AKAP7: variants seen among roughly 807,000 people sequenced by gnomAD.
AKAP7 encodes the protein A kinase (PRKA) anchor protein 7.
In AKAP7, 39 loss-of-function variants were observed where a neutral mutation model predicts 39.5. That is an observed-to-expected ratio of 0.99 (90% CI 0.76 to 1.29). The LOEUF is 1.29. AKAP7 is among the 50% of genes most tolerant of loss of function. AKAP7 has a pLI of 0.00. For missense variants in AKAP7, 414 were observed against 407.7 expected (o/e 1.02, Z -0.13); for synonymous variants, 140 against 139.1 (o/e 1.01, Z -0.05).
intron 7 of AKAP7, chr6:131,250,448 C>T (rs987681649): frequency 1.3e-6 from 2 of 1,537,498 alleles, no homozygotes; most frequent in Admixed American, 1.8e-5. Context: ...TTCAAGCTGC[C>T]TGTGCTGCTC....
intron 2 of AKAP7, among the ~76,000 whole-genome samples, chr6:131,156,444 C>T (rs536211103): frequency 6.6e-6 from 1 of 151,988 alleles, no homozygotes; most frequent in South Asian, 2.1e-4. Context: ...TCAAGACCAG[C>T]CTGGGCAACA....
At chr6:131,217,630 A>C (rs905798252) in intron 6 of AKAP7, among the ~76,000 whole-genome samples, 4 of 152,208 alleles carry the variant, frequency 2.6e-5, no homozygotes, top group African/African-American at 9.6e-5. Flanking sequence ...TTAACTCCTA[A>C]AGACTCATGT....
chr6:131,145,397 T>G lies in AKAP7; in HGVS notation c.132T>G (p.Asp44Glu), dbSNP rs200567098. 4.8e-5 allele frequency: 74 copies of G among 1,540,406 alleles called. No homozygotes were observed. The Admixed American group carries it at 1.3e-3, about 27-fold the overall frequency. Residue 44 changes from aspartate to glutamate, a missense_variant, in exon 2 of 8, where the codon GAT becomes GAG. Physicochemically the swap from Asp to Glu is conservative, Grantham distance 45. Transcript: ENST00000431975. ...SLVDMPFATVDIQDDCGITDE... is the reference protein window; with the variant it reads ...SLVDMPFATVEIQDDCGITDE... Reference sequence around the variant, plus strand: ...TAGACATGCCATTTGCTACTGTAGATATTCAGGATGACTGTGGAAGTAAGT... The same window carrying G: ...TAGACATGCCATTTGCTACTGTAGAGATTCAGGATGACTGTGGAAGTAAGT...
chr6:131,139,263 C>G (rs542975173), intron 1 of AKAP7, among the ~76,000 whole-genome samples: 3 of 152,252 alleles, frequency 2.0e-5, no homozygotes, highest in African/African-American at 7.2e-5. Flanking sequence ...GAAAGTGGCA[C>G]TCCTTTTTTT....
At chr6:131,141,662 A>G (rs1801040596) in intron 1 of AKAP7, among the ~76,000 whole-genome samples, 1 of 152,184 alleles carries the variant, frequency 6.6e-6, no homozygotes, top group Non-Finnish European at 1.5e-5. Context: ...GGAACTTCTT[A>G]AAGACTGGTT....
chr6:131,241,615 G>GTGTGTGTGTATACGTATATA (rs1811585371), intron 7 of AKAP7, among the ~76,000 whole-genome samples: 2 of 101,336 alleles, frequency 2.0e-5, no homozygotes, highest in African/African-American at 7.1e-5. Flanking sequence ...GTGTGTGTGT[G>GTGTGTGTGTATACGTATATA]TGTGTGTGTG....
chr6:131,251,565 T>TG (rs1812451550), intron 7 of AKAP7, among the ~76,000 whole-genome samples: 1 of 117,874 alleles, frequency 8.5e-6, no homozygotes, highest in Non-Finnish European at 1.9e-5. Flanking sequence ...AGCCAGGGAC[T>TG]GTTAAAAAAA....
chr6:131,241,627 G>GTGTGTATATACGTATA, intron 7 of AKAP7, among the ~76,000 whole-genome samples: 1 of 86,634 alleles, frequency 1.2e-5, no homozygotes, highest in Non-Finnish European at 2.3e-5. Context: ...GTGTGTGTGT[G>GTGTGTATATACGTATA]TATATATATA....
In AKAP7 at chr6:131,281,549, G is replaced by T. The variant is rs887274338; in HGVS notation, c.870G>T (p.Glu290Asp). ...SIVIGEKNGG[E>D]PDDAELVRLS... is the part of the protein sequence containing the mutation. ...ATGTAGGTGAAAAGAACGGAGGGGA[G>T]CCCGATGACGCTGAACTAGTAAGGC... Residue 290 changes from glutamate to aspartate, a missense_variant, in exon 8 of 8, where the codon GAG becomes GAT. Physicochemically the swap from Glu to Asp is conservative, Grantham distance 45. Coordinates refer to ENST00000431975, the MANE Select transcript of AKAP7 (RefSeq NM_016377.4). This position sits in a 1 kb window ranked among gnomAD's most constrained non-coding sequence, Gnocchi z 4.0. 1.2e-6 allele frequency: 2 copies of T among 1,609,298 alleles called. No individual in the cohort carries two copies. Among genetic ancestry groups the T allele is most frequent in the Non-Finnish European group, 1.7e-6 (2 of 1,177,686 alleles).
chr6:131,133,312 C>G (rs935689953), upstream of AKAP7, among the ~76,000 whole-genome samples: 1 of 152,122 alleles, frequency 6.6e-6, no homozygotes, highest in Non-Finnish European at 1.5e-5. Context: ...CAGGTGTTAT[C>G]CTTTTATGAT....
intron 6 of AKAP7, among the ~76,000 whole-genome samples, chr6:131,204,012 A>G (rs1454961680): frequency 6.6e-6 from 1 of 152,100 alleles, no homozygotes; most frequent in Non-Finnish European, 1.5e-5. Context: ...GACAATTTAT[A>G]CTCCCAACCG....
At chr6:131,130,098 A>C in the AKAP7 span, among the ~76,000 whole-genome samples, 1 of 152,216 alleles carries the variant, frequency 6.6e-6, no homozygotes, top group East Asian at 1.9e-4. Flanking sequence ...TTTCAGGAAC[A>C]GTGTGGCAAT....
At chr6:131,250,405 C>T in intron 7 of AKAP7, 2 of 1,452,656 alleles carry the variant, frequency 1.4e-6, no homozygotes, top group Non-Finnish European at 9.1e-7. Flanking sequence ...TTCCCTTCTC[C>T]TTTCTCTCCC....
chr6:131,199,494 T>TC lies in AKAP7; in HGVS notation c.625dup (p.Leu209ProfsTer9). The TC allele has an allele frequency of 6.2e-7, 1 of 1,609,186 alleles. No individual in the cohort carries two copies. ...AATAGGACATTTCAAGAAAAAGGCA[T>TC]CCTGGTAGGAGAGAGCAGAAGTTTT... On this transcript the variant is annotated frameshift_variant, in exon 6 of 8. Coordinates refer to ENST00000431975, the MANE Select transcript of AKAP7 (RefSeq NM_016377.4). LOFTEE classifies it high-confidence loss of function.
chr6:131,138,501 T>C (rs1800767299), intron 1 of AKAP7, among the ~76,000 whole-genome samples: 1 of 152,230 alleles, frequency 6.6e-6, no homozygotes, highest in Non-Finnish European at 1.5e-5. Context: ...GCATGGATGA[T>C]AGATAACCAG....
At chr6:131,172,251 A>G (rs923363173) in intron 5 of AKAP7, among the ~76,000 whole-genome samples, 5 of 152,230 alleles carry the variant, frequency 3.3e-5, no homozygotes, top group African/African-American at 1.2e-4. Flanking sequence ...AGAACAGTAG[A>G]GACATGTAGG....
chr6:131,281,432 C>T lies in AKAP7; in HGVS notation c.851-98C>T. 1 of 970,350 alleles carries T rather than the reference C, an allele frequency of 1.0e-6. No homozygotes were observed. The highest frequency in any genetic ancestry group is 2.1e-5 in the South Asian group (1 of 46,722). 60.1% of individuals were successfully genotyped at this position (970,350 alleles called of 1,614,324 possible). A position where few individuals can be genotyped will look rare whatever the true frequency, so the allele number is the denominator to read the frequency against. On this transcript the variant is annotated intron_variant, in intron 7 of 7. Coordinates refer to ENST00000431975, the MANE Select transcript of AKAP7 (RefSeq NM_016377.4). The surrounding 1 kb of genome is among the most constrained non-coding windows in gnomAD (Gnocchi z 4.0). Reference sequence around the variant, plus strand: ...CTTGAATTTATAGATCCAATTTACACTTGCTCTTTTTAACCAATGGAACTA... The same window carrying T: ...CTTGAATTTATAGATCCAATTTACATTTGCTCTTTTTAACCAATGGAACTA...
chr6:131,142,000 T>C (rs1401333393), intron 1 of AKAP7, among the ~76,000 whole-genome samples: 4 of 151,018 alleles, frequency 2.6e-5, no homozygotes, highest in Admixed American at 6.6e-5. Context: ...AGAAGTGGCA[T>C]GGCAGCTTCT....
At chr6:131,148,855 T>G (rs1801685673) in intron 2 of AKAP7, among the ~76,000 whole-genome samples, 2 of 152,194 alleles carry the variant, frequency 1.3e-5, no homozygotes. Flanking sequence ...TTCTTGTACA[T>G]TTAGTAATCA....
Sources: allele counts gnomAD v4.1 joint callset (sites outside exome capture counted in the v4.1 genomes callset), GRCh38; gene constraint gnomAD v4.1.1; non-coding constraint Gnocchi (gnomAD v3.1); transcripts MANE v1.5; gene names NCBI Gene and HGNC (gene_info 2026-07-23, HGNC 2026-07-21).